Variants in RAP1A observed in about 807,000 individuals in gnomAD.
RAP1A encodes ras-related protein Rap-1A.
Under a neutral mutation model 26.4 loss-of-function variants are expected in RAP1A, and 6 were observed. The observed-to-expected ratio is 0.23, with a 90% CI of 0.12 to 0.45. The LOEUF (loss-of-function observed/expected upper bound fraction) is 0.45, where lower values mean the gene tolerates loss of function less well. Among genes scored for constraint, RAP1A ranks in the 20% least tolerant of loss-of-function variants. RAP1A has a pLI of 0.99. For synonymous variants in RAP1A, 73 were observed against 79.4 expected, an observed-to-expected ratio of 0.92 and a Z score of 0.43; for missense variants, 121 against 217.2, an observed-to-expected ratio of 0.56 and a Z score of 2.78.
chr1:111,667,455 C>T (rs777492560), intron 1 of RAP1A, among the ~76,000 whole-genome samples: 17 of 152,044 alleles, frequency 1.1e-4, no homozygotes, highest in Admixed American at 3.3e-4. Context: ...GAGGCCGAGG[C>T]GGCTGGATCA....
chr1:111,542,744 TGGA>T (rs1277715895), intron 1 of RAP1A, among the ~76,000 whole-genome samples: 1 of 152,124 alleles, frequency 6.6e-6, no homozygotes, highest in Non-Finnish European at 1.5e-5. Context: ...TCACCCAGGC[TGGA>T]GTGCAGTGGT....
Position 111,704,324 on chromosome 1 carries a change from C to T in RAP1A, c.325-19C>T, listed in dbSNP as rs376406102. 13 of 1,610,526 alleles carry T rather than the reference C, an allele frequency of 8.1e-6. No individual in the cohort carries two copies. The highest frequency in any genetic ancestry group is 1.7e-5 in the Admixed American group (1 of 59,528). ...AATGAGTATGTTATTGTTCATTTTA[C>T]GTTTTTTTCTTCCCACAGGTTCCAA... On this transcript the variant is annotated intron_variant, in intron 5 of 7. Coordinates refer to ENST00000369709, the MANE Select transcript of RAP1A (RefSeq NM_002884.4).
At chr1:111,643,241 T>C (rs1446832327) in intron 1 of RAP1A, among the ~76,000 whole-genome samples, 2 of 152,190 alleles carry the variant, frequency 1.3e-5, no homozygotes, top group Non-Finnish European at 2.9e-5. Flanking sequence ...TCCTTAAATA[T>C]AGAAACAGTC....
chr1:111,562,186 CA>C (rs1238195141), intron 1 of RAP1A, among the ~76,000 whole-genome samples: 2 of 152,102 alleles, frequency 1.3e-5, no homozygotes, highest in Non-Finnish European at 1.5e-5. Flanking sequence ...TCAGATACGC[CA>C]TTTCCTCTGT....
chr1:111,641,562 G>A (rs1008572638), intron 1 of RAP1A, among the ~76,000 whole-genome samples: 5 of 152,030 alleles, frequency 3.3e-5, no homozygotes, highest in African/African-American at 7.2e-5. Context: ...TATGGTTTGC[G>A]GGAAAGCAAT....
chr1:111,683,274 C>G (rs1571557513), intron 1 of RAP1A, among the ~76,000 whole-genome samples: 2 of 151,884 alleles, frequency 1.3e-5, no homozygotes, highest in African/African-American at 4.8e-5. Context: ...GAAGCAAGAG[C>G]AAACAAATTC....
At chr1:111,582,008 T>A (rs1354678147) in intron 1 of RAP1A, among the ~76,000 whole-genome samples, 4 of 152,208 alleles carry the variant, frequency 2.6e-5, no homozygotes, top group African/African-American at 9.7e-5. Context: ...ACTCATCTAG[T>A]GAGAAATGGA....
intron 1 of RAP1A, among the ~76,000 whole-genome samples, chr1:111,647,356 A>G (rs1202339207): frequency 6.6e-6 from 1 of 152,186 alleles, no homozygotes; most frequent in African/African-American, 2.4e-5. Context: ...GGTGAGCTGT[A>G]TAATTGTTTC....
chr1:111,678,339 A>G (rs1045626472), intron 1 of RAP1A, among the ~76,000 whole-genome samples: 2 of 152,238 alleles, frequency 1.3e-5, no homozygotes, highest in Non-Finnish European at 2.9e-5. Context: ...TGCTAAATGT[A>G]TCTCTAAGTA....
At chr1:111,696,572 G>GT (rs1277994541) in intron 3 of RAP1A, among the ~76,000 whole-genome samples, 1 of 152,188 alleles carries the variant, frequency 6.6e-6, no homozygotes, top group Non-Finnish European at 1.5e-5. Flanking sequence ...CAGAAGCAGA[G>GT]TTTAAAATAG....
At chr1:111,638,536 C>T (rs1291069837) in intron 1 of RAP1A, among the ~76,000 whole-genome samples, 2 of 152,112 alleles carry the variant, frequency 1.3e-5, no homozygotes, top group Admixed American at 1.3e-4. Flanking sequence ...GTGATTCCCC[C>T]ACCTTAGCCT....
intron 1 of RAP1A, among the ~76,000 whole-genome samples, chr1:111,688,026 CAAAAAAAAAAA>C (rs58107878): frequency 3.9e-5 from 2 of 51,706 alleles, no homozygotes; most frequent in South Asian, 1.1e-3. Context: ...GACCCTGTCT[CAAAAAAAAAAA>C]AAAAAAAAAA....
At chr1:111,654,266 T>C (rs766927817) in intron 1 of RAP1A, among the ~76,000 whole-genome samples, 10 of 152,216 alleles carry the variant, frequency 6.6e-5, no homozygotes, top group Non-Finnish European at 1.5e-4. Flanking sequence ...TCATACAAAG[T>C]GTCTATCAGG....
At chr1:111,672,636 A>G (rs555703688) in intron 1 of RAP1A, among the ~76,000 whole-genome samples, 3 of 152,294 alleles carry the variant, frequency 2.0e-5, no homozygotes, top group South Asian at 4.2e-4. Context: ...AGGTATCCCC[A>G]AAGAGAAAAA....
At chr1:111,578,908 A>T (rs941908729) in intron 1 of RAP1A, among the ~76,000 whole-genome samples, 1 of 152,232 alleles carries the variant, frequency 6.6e-6, no homozygotes, top group African/African-American at 2.4e-5. Flanking sequence ...ATTTGCTGGG[A>T]TGGCTCATGG....
intron 1 of RAP1A, among the ~76,000 whole-genome samples, chr1:111,548,521 C>CA (rs1657122696): frequency 6.6e-6 from 1 of 152,228 alleles, no homozygotes; most frequent in Non-Finnish European, 1.5e-5. Flanking sequence ...TGGCACCCAT[C>CA]AAGTGGAAAG....
intron 1 of RAP1A, among the ~76,000 whole-genome samples, chr1:111,561,992 T>C (rs1440727060): frequency 6.6e-6 from 1 of 152,156 alleles, no homozygotes; most frequent in East Asian, 1.9e-4. Flanking sequence ...CTGCTTACGA[T>C]AGAATTCAAA....
At chr1:111,652,216 C>A (rs1660297334) in intron 1 of RAP1A, among the ~76,000 whole-genome samples, 1 of 152,170 alleles carries the variant, frequency 6.6e-6, no homozygotes, top group Non-Finnish European at 1.5e-5. Flanking sequence ...TCAGGTGATC[C>A]ACCCACCTTA....
At chr1:111,549,892 A>T (rs1157906016) in intron 1 of RAP1A, among the ~76,000 whole-genome samples, 1 of 152,078 alleles carries the variant, frequency 6.6e-6, no homozygotes, top group Non-Finnish European at 1.5e-5. Flanking sequence ...GCCTCAAGTA[A>T]TCCTCCTGTC....
Sources: allele counts gnomAD v4.1 joint callset (sites outside exome capture counted in the v4.1 genomes callset), GRCh38; gene constraint gnomAD v4.1.1; transcripts MANE v1.5; gene names NCBI Gene and HGNC (gene_info 2026-07-23, HGNC 2026-07-21).